AUTS2: variants seen among roughly 807,000 people sequenced by gnomAD.
The protein encoded by AUTS2 is activator of transcription and developmental regulator AUTS2.
AUTS2 carries 17 observed loss-of-function variants against 112.4 expected under a neutral mutation model. The observed-to-expected ratio is 0.15, with a 90% CI of 0.10 to 0.23. AUTS2 has a LOEUF of 0.23. AUTS2 is among the 10% of genes least tolerant of loss of function. The pLI is 1.00. For synonymous variants in AUTS2, 751 were observed against 702.7 expected, an observed-to-expected ratio of 1.07 and a Z score of -1.09; for missense variants, 1,510 against 1,701.6, an observed-to-expected ratio of 0.89 and a Z score of 1.98.
At chr7:70,745,452 A>C (rs1218812823) in intron 6 of AUTS2, among the ~76,000 whole-genome samples, 1 of 152,210 alleles carries the variant, frequency 6.6e-6, no homozygotes, top group East Asian at 1.9e-4. Context: ...TCTGTTGAAA[A>C]TTTAAATACT....
intron 5 of AUTS2, among the ~76,000 whole-genome samples, chr7:70,612,008 CCTT>C (rs893331574): frequency 3.3e-5 from 5 of 152,106 alleles, no homozygotes; most frequent in Admixed American, 6.6e-5. Context: ...AAATTGGAAA[CCTT>C]CTGGAGTGTG....
chr7:70,044,718 C>G (rs751682243), intron 2 of AUTS2, among the ~76,000 whole-genome samples: 9 of 152,140 alleles, frequency 5.9e-5, no homozygotes, highest in Non-Finnish European at 1.0e-4. Flanking sequence ...TCACAGATCT[C>G]ATGTTGATAG....
At chr7:70,466,216 A>G (rs1435319141) in intron 5 of AUTS2, among the ~76,000 whole-genome samples, 2 of 152,218 alleles carry the variant, frequency 1.3e-5, no homozygotes, top group East Asian at 1.9e-4. Flanking sequence ...TTGATAAACA[A>G]TGAAACAAGC....
At chr7:70,291,795 G>A (rs1387142898) in intron 4 of AUTS2, 1 of 152,136 alleles carries the variant, frequency 6.6e-6, no homozygotes, top group Non-Finnish European at 1.5e-5. Context: ...GGACTAGTAA[G>A]CTTGAGAAAT....
chr7:70,364,618 A>AAATAAAT (rs1562911280), intron 4 of AUTS2, among the ~76,000 whole-genome samples: 3 of 134,612 alleles, frequency 2.2e-5, no homozygotes, highest in East Asian at 2.2e-4. Flanking sequence ...AATAAATAAA[A>AAATAAAT]ATTAAAAAGG....
intron 5 of AUTS2, among the ~76,000 whole-genome samples, chr7:70,462,371 G>A (rs189254391): frequency 6.6e-6 from 1 of 152,116 alleles, no homozygotes; most frequent in Non-Finnish European, 1.5e-5. Context: ...TAATGAGCTG[G>A]GTAGATGGGG....
At chr7:70,038,229 T>C (rs1219718875) in intron 2 of AUTS2, among the ~76,000 whole-genome samples, 1 of 152,150 alleles carries the variant, frequency 6.6e-6, no homozygotes, top group Non-Finnish European at 1.5e-5. Flanking sequence ...ACCAAGCATT[T>C]CAAAGTACCT....
At chr7:70,499,311 A>T (rs1798682984) in intron 5 of AUTS2, among the ~76,000 whole-genome samples, 1 of 152,222 alleles carries the variant, frequency 6.6e-6, no homozygotes, top group Non-Finnish European at 1.5e-5. Flanking sequence ...TTGACATTTC[A>T]GAGTGCTCAG....
At chr7:69,907,889 T>C (rs1584423563) in intron 2 of AUTS2, among the ~76,000 whole-genome samples, 2 of 152,208 alleles carry the variant, frequency 1.3e-5, no homozygotes, top group East Asian at 3.9e-4. Context: ...AGGATTGTGA[T>C]TTGTTTCTTA....
At chr7:70,282,774 G>A (rs1788281843) in intron 4 of AUTS2, among the ~76,000 whole-genome samples, 1 of 152,184 alleles carries the variant, frequency 6.6e-6, no homozygotes. Flanking sequence ...GAAATGAACC[G>A]TTAGGAGGAG....
At chr7:70,256,982 G>T (rs1193236887) in intron 4 of AUTS2, among the ~76,000 whole-genome samples, 1 of 152,116 alleles carries the variant, frequency 6.6e-6, no homozygotes, top group Non-Finnish European at 1.5e-5. Flanking sequence ...AGCTATAATG[G>T]GTAGTCCTTT....
chr7:70,017,817 A>G (rs188888791), intron 2 of AUTS2, among the ~76,000 whole-genome samples: 198 of 148,734 alleles, frequency 1.3e-3, no homozygotes, highest in African/African-American at 4.5e-3. Context: ...ATGTATATTT[A>G]TAAATATATT....
intron 2 of AUTS2, among the ~76,000 whole-genome samples, chr7:69,925,141 T>G (rs1795958192): frequency 6.6e-6 from 1 of 152,162 alleles, no homozygotes; most frequent in Admixed American, 6.5e-5. Context: ...GTTGATAGCC[T>G]CCTTTCCTCC....
chr7:70,679,880 G>C (rs1808117536), intron 5 of AUTS2, among the ~76,000 whole-genome samples: 1 of 152,192 alleles, frequency 6.6e-6, no homozygotes, highest in South Asian at 2.1e-4. Context: ...AGACTAAAGT[G>C]GGTGTGATGA....
At chr7:69,969,646 G>A (rs575985951) in intron 2 of AUTS2, among the ~76,000 whole-genome samples, 2 of 152,278 alleles carry the variant, frequency 1.3e-5, no homozygotes, top group South Asian at 4.1e-4. Flanking sequence ...CACAGGGACA[G>A]CATTGATAAC....
At chr7:70,157,770 G>A (rs1285003927) in intron 4 of AUTS2, among the ~76,000 whole-genome samples, 1 of 151,488 alleles carries the variant, frequency 6.6e-6, no homozygotes, top group Non-Finnish European at 1.5e-5. Context: ...TATAGTTGCT[G>A]TCCTCAGGGG....
intron 2 of AUTS2, among the ~76,000 whole-genome samples, chr7:70,115,710 T>G (rs1156908102): frequency 6.6e-6 from 1 of 152,218 alleles, no homozygotes; most frequent in Non-Finnish European, 1.5e-5. Context: ...GGGATAAGAG[T>G]TTGATACTGC....
chr7:70,216,599 G>A (rs1214380227), intron 4 of AUTS2, among the ~76,000 whole-genome samples: 1 of 152,164 alleles, frequency 6.6e-6, no homozygotes, highest in Non-Finnish European at 1.5e-5. Context: ...TGCTACCTGA[G>A]CAACCCACAG....
At chr7:70,104,331 T>C (rs1220254682) in intron 2 of AUTS2, among the ~76,000 whole-genome samples, 1 of 152,090 alleles carries the variant, frequency 6.6e-6, no homozygotes, top group Non-Finnish European at 1.5e-5. Flanking sequence ...ATCAAAGCCA[T>C]TGTAAGGATA....
Sources: gnomAD v4.1 joint callset for allele counts (sites outside exome capture counted in the v4.1 genomes callset) on GRCh38, gnomAD v4.1.1 for gene constraint, MANE v1.5 for transcripts, NCBI Gene and HGNC (gene_info 2026-07-23, HGNC 2026-07-21) for gene names.